Variants in DNM3 observed in about 807,000 individuals in gnomAD.
The protein encoded by DNM3 is dynamin 3, also known as dynamin-3.
In DNM3, 47 loss-of-function variants were observed where a neutral mutation model predicts 101.6. The ratio of observed to expected loss-of-function variants is 0.46; its 90% CI spans 0.37 to 0.59. The LOEUF (loss-of-function observed/expected upper bound fraction) is 0.59. Among genes scored for constraint, DNM3 ranks in the 20% least tolerant of loss-of-function variants. The pLI, the probability that DNM3 is intolerant of heterozygous loss-of-function variation, is 0.00. For synonymous variants in DNM3, 385 were observed against 387.9 expected (o/e 0.99, Z 0.09); for missense variants, 849 against 1,085.7 (o/e 0.78, Z 3.06).
At position 172,303,777 on chromosome 1, in the gene DNM3, C is replaced by T. The variant is rs549942611; in HGVS notation, c.1770-4951C>T. Among the ~76,000 whole-genome samples the T allele has an allele frequency of 6.6e-5, 10 of 152,208 alleles. No homozygotes were observed. In the East Asian group the frequency reaches 1.5e-3, roughly 24 times the overall value. On this transcript the variant is annotated intron_variant, in intron 15 of 20. Transcript: ENST00000627582. Reference sequence around the variant, plus strand: ...ACCCAGAATTTCATATCCAGCCAAACTAAGCTTCATAAGTGAAGGAGAAAT... The same window carrying T: ...ACCCAGAATTTCATATCCAGCCAAATTAAGCTTCATAAGTGAAGGAGAAAT...
At chr1:172,158,451 C>T (rs1249525013) in intron 14 of DNM3, among the ~76,000 whole-genome samples, 4 of 151,960 alleles carry the variant, frequency 2.6e-5, no homozygotes, top group Non-Finnish European at 5.9e-5. Flanking sequence ...TGAGCAAAGG[C>T]ACAGGCAGTG....
At position 171,841,600 on chromosome 1, in the gene DNM3, C is replaced by A; in HGVS notation, c.-57C>A. The stretch of plus-strand genomic sequence containing the variant: ...CAGCCAGGGCAGCGCGGCCCCTACT[C>A]CCTGTCAGGTCGTAGAGGCGAGCAG... On this transcript the variant is annotated 5_prime_UTR_variant, in exon 1 of 21. Coordinates refer to ENST00000627582, the MANE Select transcript of DNM3 (RefSeq NM_015569.5). 6.4e-7 allele frequency: 1 copy of A among 1,568,160 alleles called. No individual in the cohort carries two copies. The highest frequency in any genetic ancestry group is 8.6e-7 in the Non-Finnish European group (1 of 1,159,424).
chr1:172,214,801 G>T (rs1193722118), intron 14 of DNM3, among the ~76,000 whole-genome samples: 1 of 152,018 alleles, frequency 6.6e-6, no homozygotes, highest in Non-Finnish European at 1.5e-5. Flanking sequence ...CTGAGAGAAT[G>T]AGAAAATACC....
In DNM3 at chr1:172,243,789, G is replaced by A. The variant is rs189558983; in HGVS notation, c.1660-9784G>A. Among the ~76,000 whole-genome samples the A allele has an allele frequency of 3.1e-3, 465 of 152,218 alleles. 3 individuals carry two copies. Among genetic ancestry groups the A allele is most frequent in the Middle Eastern group, 0.017 (5 of 294 alleles). On this transcript the variant is annotated intron_variant, in intron 14 of 20. Transcript: ENST00000627582. ...AAAATATAATTCTGATTAAAGCAAG[G>A]AATTAAAATCCAAATAAAAAGATGC... is the stretch of plus-strand genomic sequence containing the variant.
At chr1:172,148,078 T>C (rs1317143227) in intron 14 of DNM3, among the ~76,000 whole-genome samples, 1 of 152,134 alleles carries the variant, frequency 6.6e-6, no homozygotes, top group African/African-American at 2.4e-5. Context: ...TCAGTTTTTT[T>C]CTGTGCTCAG....
rs546915704 is a variant in DNM3 at position 171,887,517 on chromosome 1, T to C, written c.162-34231T>C. Among the ~76,000 whole-genome samples, 10 of 152,382 alleles carry C rather than the reference T, an allele frequency of 6.6e-5. No homozygotes were observed. The South Asian group carries it at 1.2e-3, about 19-fold the overall frequency. On this transcript the variant is annotated intron_variant, in intron 1 of 20. Coordinates refer to ENST00000627582, the MANE Select transcript of DNM3 (RefSeq NM_015569.5). ...TGGCCTGTTTATAAGTTCTTTGGTT[T>C]GACTTTGTTATTGCCAGGGTATCTC... is the stretch of plus-strand genomic sequence containing the variant.
At chr1:172,357,069 C>T (rs2067490078) in intron 17 of DNM3, among the ~76,000 whole-genome samples, 1 of 151,940 alleles carries the variant, frequency 6.6e-6, no homozygotes, top group African/African-American at 2.4e-5. Context: ...CATAAATAAA[C>T]AGTTGAATGA....
intron 4 of DNM3, among the ~76,000 whole-genome samples, chr1:171,990,819 G>C (rs2045584098): frequency 1.3e-5 from 2 of 152,030 alleles, no homozygotes; most frequent in South Asian, 4.1e-4. Flanking sequence ...CTGAAACTGG[G>C]GCTTGTAACA....
chr1:172,022,049 T>A (rs6670207), intron 4 of DNM3, among the ~76,000 whole-genome samples: 104,863 of 152,002 alleles, frequency 0.69, 37,181 homozygotes, highest in African/African-American at 0.86. Context: ...CACTTGTAAA[T>A]TTTAGCTAAG....
intron 20 of DNM3, among the ~76,000 whole-genome samples, chr1:172,417,888 C>A (rs2071487251): frequency 2.6e-5 from 4 of 152,174 alleles, no homozygotes; most frequent in African/African-American, 7.2e-5. Context: ...TTGGAAATAA[C>A]TGAGTTTCAC....
intron 14 of DNM3, among the ~76,000 whole-genome samples, chr1:172,233,625 G>T: frequency 6.6e-6 from 1 of 152,148 alleles, no homozygotes. Context: ...GATGAACATC[G>T]ATGCAAAAAT....
At chr1:172,139,726 A>G (rs1286566187) in intron 14 of DNM3, 1 of 152,136 alleles carries the variant, frequency 6.6e-6, no homozygotes, top group Non-Finnish European at 1.5e-5. Context: ...ATAGTTACAA[A>G]ATAGTACTTA....
intron 17 of DNM3, among the ~76,000 whole-genome samples, chr1:172,325,057 C>CCCACTTCTCCTTACCAGAAGCCAT (rs2065885853): frequency 6.6e-6 from 1 of 152,114 alleles, no homozygotes; most frequent in Non-Finnish European, 1.5e-5. Flanking sequence ...CAAGAAGAAA[C>CCCACTTCTCCTTACCAGAAGCCAT]CCACTTCTCC....
intron 1 of DNM3, among the ~76,000 whole-genome samples, chr1:171,866,634 C>G (rs909701850): frequency 3.3e-5 from 5 of 152,002 alleles, no homozygotes; most frequent in South Asian, 2.1e-4. Flanking sequence ...CTCTATAAAG[C>G]TTTCCTAATT....
chr1:171,935,125 A>G (rs981433495), intron 2 of DNM3, among the ~76,000 whole-genome samples: 2 of 152,020 alleles, frequency 1.3e-5, no homozygotes, highest in Non-Finnish European at 1.5e-5. Flanking sequence ...TGTATATTTT[A>G]TAGTATATTT....
intron 17 of DNM3, chr1:172,338,815 C>T (rs1186850450): frequency 4.1e-6 from 2 of 485,756 alleles, no homozygotes; most frequent in Admixed American, 2.1e-5. Flanking sequence ...TTCAGATGAA[C>T]CTAAGTGTAT....
intron 4 of DNM3, among the ~76,000 whole-genome samples, chr1:172,013,781 T>C (rs1306368005): frequency 2.0e-5 from 3 of 152,036 alleles, no homozygotes; most frequent in African/African-American, 7.2e-5. Flanking sequence ...TAAAAGTCAT[T>C]GGGTTTGACT....
chr1:172,128,995 C>T (rs181527859), intron 13 of DNM3, among the ~76,000 whole-genome samples: 141 of 152,192 alleles, frequency 9.3e-4, no homozygotes, highest in African/African-American at 2.6e-3. Context: ...TCTACTGATA[C>T]GTAGTTTTAA....
In DNM3 at chr1:172,409,851, C is replaced by T; in HGVS notation, c.*2010C>T. 1.0e-6 allele frequency: 1 copy of T among 985,674 alleles called. No individual in the cohort carries two copies. Among genetic ancestry groups the T allele is most frequent in the South Asian group, 4.7e-5 (1 of 21,284 alleles). 61.1% of individuals were successfully genotyped at this position (985,674 alleles called of 1,614,324 possible). A position where few individuals can be genotyped will look rare whatever the true frequency, so the allele number is the denominator to read the frequency against. On this transcript the variant is annotated 3_prime_UTR_variant, in exon 21 of 21. Transcript: ENST00000627582. ...GTGCTAAATGTGGTTTTGTGTTTTG[C>T]TGTATTTCAAAATTTTCCTTCTGTT...
Sources: gnomAD v4.1 joint callset for allele counts (sites outside exome capture counted in the v4.1 genomes callset) on GRCh38, gnomAD v4.1.1 for gene constraint, MANE v1.5 for transcripts, NCBI Gene and HGNC (gene_info 2026-07-23, HGNC 2026-07-21) for gene names.